ARAP2: variants seen among roughly 807,000 people sequenced by gnomAD.
ARAP2 encodes ArfGAP with RhoGAP domain, ankyrin repeat and PH domain 2, also known as arf-GAP with Rho-GAP domain, ANK repeat and PH domain-containing protein 2.
ARAP2 carries 148 observed loss-of-function variants against 194.5 expected under a neutral mutation model. The ratio of observed to expected loss-of-function variants is 0.76; its 90% CI spans 0.67 to 0.87. The LOEUF (loss-of-function observed/expected upper bound fraction) is 0.87, where lower values mean the gene tolerates loss of function less well. ARAP2 is among the 40% of genes least tolerant of loss of function. The pLI is 0.00. For missense variants in ARAP2, 2,128 were observed against 1,989.7 expected (o/e 1.07, Z -1.32); for synonymous variants, 695 against 683.5 (o/e 1.02, Z -0.26).
chr4:36,136,671 T>C (rs748023156), intron 19 of ARAP2, among the ~76,000 whole-genome samples: 60 of 151,866 alleles, frequency 4.0e-4, no homozygotes, highest in Admixed American at 1.3e-3. Flanking sequence ...TAAGGATTTA[T>C]ACAAAAATAA....
intron 5 of ARAP2, among the ~76,000 whole-genome samples, chr4:36,020,929 CA>C: frequency 6.6e-6 from 1 of 152,036 alleles, no homozygotes; most frequent in Non-Finnish European, 1.5e-5. Flanking sequence ...ATGGTATATA[CA>C]AAACTTAATT....
At chr4:36,182,495 C>CTACA (rs1553933349) in intron 8 of ARAP2, among the ~76,000 whole-genome samples, 4 of 140,698 alleles carry the variant, frequency 2.8e-5, no homozygotes, top group Non-Finnish European at 6.1e-5. Flanking sequence ...GACTCCATCT[C>CTACA]TAAATAAATA....
intron 15 of ARAP2, 143 bp downstream of exon 15, chr4:36,158,587 T>TG (rs1471146470): frequency 3.7e-5 from 26 of 707,818 alleles, no homozygotes; most frequent in Non-Finnish European, 3.9e-5. Flanking sequence ...TATTTGCACC[T>TG]AGAAGCATTT....
downstream of ARAP2, chr4:36,065,109 G>C: frequency 4.1e-6 from 1 of 244,698 alleles, no homozygotes; most frequent in Admixed American, 4.0e-5. Context: ...TAGGCCTAGC[G>C]AGACGTGAGC....
At chr4:36,097,916 A>T (rs1715757698) in intron 27 of ARAP2, among the ~76,000 whole-genome samples, 1 of 152,116 alleles carries the variant, frequency 6.6e-6, no homozygotes, top group Non-Finnish European at 1.5e-5. Context: ...TGTAAGTTAT[A>T]CTGAGCTATC....
chr4:36,158,167 G>C (rs1733021352), intron 15 of ARAP2, among the ~76,000 whole-genome samples: 1 of 152,074 alleles, frequency 6.6e-6, no homozygotes, highest in African/African-American at 2.4e-5. Context: ...AAGGATAAAT[G>C]AATAAATGCC....
In ARAP2 at chr4:36,018,595, A is replaced by C. The variant is rs116446346; in HGVS notation, n.750+549T>G. On this transcript the variant is annotated intron_variant and non_coding_transcript_variant, in intron 6 of 12. Transcript: ENST00000503225. ...ATCTGATCTGAGGTATTTAGCAAAT[A>C]AATTGTGTGAACACTTATATTCATG... Among the ~76,000 whole-genome samples the C allele has an allele frequency of 2.3e-3, 343 of 152,348 alleles. 1 individual carries two copies. Among genetic ancestry groups the C allele is most frequent in the African/African-American group, 7.5e-3 (313 of 41,568 alleles).
At position 36,066,209 on chromosome 4, in the gene ARAP2, T is replaced by A. The variant is rs1231892613; in HGVS notation, c.*1698A>T. 2 of 152,264 alleles carry A rather than the reference T, an allele frequency of 1.3e-5. No homozygotes were observed. Among genetic ancestry groups the A allele is most frequent in the African/African-American group, 4.8e-5 (2 of 41,558 alleles). The allele number at this position is 152,264 out of a possible 1,614,324, so 9.4% of individuals were successfully genotyped here. Reference sequence around the variant, plus strand: ...TTCCACTGTCCAACATCACCAAATATTAATTTCCACATACCTCTTTATTTC... The same window carrying A: ...TTCCACTGTCCAACATCACCAAATAATAATTTCCACATACCTCTTTATTTC... On this transcript the variant is annotated 3_prime_UTR_variant, in exon 33 of 33. Coordinates refer to ENST00000303965, the MANE Select transcript of ARAP2 (RefSeq NM_015230.4).
In ARAP2 at chr4:36,030,797, G is replaced by GTTTTTTTTTTTTTTTTTTTTTT. The variant is rs34777330; in HGVS notation, n.608-11512_608-11511insAAAAAAAAAAAAAAAAAAAAAA. Among the ~76,000 whole-genome samples the GTTTTTTTTTTTTTTTTTTTTTT allele has an allele frequency of 1.2e-4, 2 of 16,082 alleles. 1 individual carries two copies. The allele number at this position is 16,082 out of a possible 152,430, so 10.6% of individuals were successfully genotyped here. ...TCAACTCTTGTTTGACATTGTCTAC[G>GTTTTTTTTTTTTTTTTTTTTTT]TTTTTTTTTTTTTTTTTTTTGGTAC... On this transcript the variant is annotated intron_variant and non_coding_transcript_variant, in intron 5 of 12. Coordinates refer to the ARAP2 transcript ENST00000503225.
At chr4:36,127,527 A>G (rs1724249742) in intron 21 of ARAP2, among the ~76,000 whole-genome samples, 1 of 152,030 alleles carries the variant, frequency 6.6e-6, no homozygotes, top group Non-Finnish European at 1.5e-5. Flanking sequence ...CTCTTTAAAT[A>G]TATCACTTGT....
chr4:36,067,843 A>T lies in ARAP2; in HGVS notation c.*64T>A. On this transcript the variant is annotated 3_prime_UTR_variant, in exon 33 of 33. Coordinates refer to ENST00000303965, the MANE Select transcript of ARAP2 (RefSeq NM_015230.4). ...GAATTATCTTATAGTTCAGTTTTGG[A>T]GTTACACATAAAGATTGCATACAAT... The T allele has an allele frequency of 6.7e-7, 1 of 1,488,154 alleles. No homozygotes were observed. The highest frequency in any genetic ancestry group is 9.0e-7 in the Non-Finnish European group (1 of 1,114,022). The allele number at this position is 1,488,154 out of a possible 1,614,324, so 92.2% of individuals were successfully genotyped here. A position where few individuals can be genotyped will look rare whatever the true frequency, so the allele number is the denominator to read the frequency against.
At chr4:36,096,244 A>G (rs1237004611) in intron 27 of ARAP2, among the ~76,000 whole-genome samples, 1 of 151,484 alleles carries the variant, frequency 6.6e-6, no homozygotes, top group Non-Finnish European at 1.5e-5. Context: ...GTGCCACTGT[A>G]GTACCAGCTA....
chr4:36,122,446 G>A (rs1428424851), intron 22 of ARAP2, among the ~76,000 whole-genome samples: 2 of 151,820 alleles, frequency 1.3e-5, no homozygotes, highest in African/African-American at 4.8e-5. Flanking sequence ...AACAAAGAAT[G>A]AGATCACGTC....
intron 12 of ARAP2, 151 bp from the exon 13 acceptor site, chr4:36,160,792 G>C (rs1056524353): frequency 6.9e-5 from 44 of 641,368 alleles, no homozygotes; most frequent in Non-Finnish European, 9.5e-5. Context: ...GAAAAAGGAA[G>C]TATGAAAGCA....
At chr4:36,147,215 T>A in intron 19 of ARAP2, 81 bp downstream of exon 19, 1 of 1,209,868 alleles carries the variant, frequency 8.3e-7, no homozygotes, top group Non-Finnish European at 1.2e-6. Flanking sequence ...TATTGTTTTC[T>A]CCCTCAAGAT....
intron 1 of ARAP2, among the ~76,000 whole-genome samples, chr4:36,231,053 T>A (rs1016683657): frequency 1.3e-5 from 2 of 152,140 alleles, no homozygotes; most frequent in Non-Finnish European, 2.9e-5. Context: ...AAGTTACACC[T>A]CGGCCAGGCA....
chr4:36,194,492 T>C (rs1209665172), intron 6 of ARAP2, among the ~76,000 whole-genome samples: 3 of 152,200 alleles, frequency 2.0e-5, no homozygotes, highest in Admixed American at 6.5e-5. Flanking sequence ...TAAACAAATA[T>C]CAACTCTGTC....
intron 9 of ARAP2, among the ~76,000 whole-genome samples, chr4:36,007,244 T>C (rs971374633): frequency 1.6e-4 from 25 of 152,192 alleles, no homozygotes; most frequent in African/African-American, 6.0e-4. Context: ...ATGACTTTAT[T>C]TGGGAAGAGT....
At chr4:36,187,062 C>A (rs1052111745) in intron 8 of ARAP2, among the ~76,000 whole-genome samples, 1 of 152,192 alleles carries the variant, frequency 6.6e-6, no homozygotes, top group East Asian at 1.9e-4. Flanking sequence ...ACTGAGCCTG[C>A]CATAAATGTC....
Sources: gnomAD v4.1 joint callset for allele counts (sites outside exome capture counted in the v4.1 genomes callset) on GRCh38, gnomAD v4.1.1 for gene constraint, MANE v1.5 for transcripts, NCBI Gene and HGNC (gene_info 2026-07-23, HGNC 2026-07-21) for gene names.